The following SYNPO2L variants were observed in gnomAD, a reference collection of about 807,000 sequenced individuals.
The protein encoded by SYNPO2L is synaptopodin 2-like protein.
Under a neutral mutation model 47.5 loss-of-function variants are expected in SYNPO2L, and 34 were observed. The ratio of observed to expected loss-of-function variants is 0.72; its 90% CI spans 0.54 to 0.95. The LOEUF (loss-of-function observed/expected upper bound fraction) is 0.95, where lower values mean the gene tolerates loss of function less well. Among genes scored for constraint, SYNPO2L ranks in the 40% least tolerant of loss-of-function variants. The probability of loss-of-function intolerance (pLI) is 0.00; values close to 1 mark genes in which losing one functional copy is unlikely to be tolerated. For missense variants in SYNPO2L, 1,246 were observed against 1,282.0 expected (o/e 0.97, Z 0.43); for synonymous variants, 536 against 524.9 (o/e 1.02, Z -0.29).
rs770143655 is a variant in SYNPO2L, at chr10:73,648,914, C to T, written c.773-35G>A. On this transcript the variant is annotated intron_variant, in intron 3 of 3. Transcript: ENST00000394810. Reference sequence around the variant, plus strand: ...CCAAGAGGTAAAATGGTCAGGGGGGCTTCCCAGCCTCTTTTAGTCCTGTTC... The same window carrying T: ...CCAAGAGGTAAAATGGTCAGGGGGGTTTCCCAGCCTCTTTTAGTCCTGTTC... 4 of 1,473,220 alleles carry T rather than the reference C, an allele frequency of 2.7e-6. No individual in the cohort carries two copies. In the East Asian group the frequency reaches 9.3e-5, roughly 34 times the overall value. The allele number at this position is 1,473,220 out of a possible 1,614,324, so 91.3% of individuals were successfully genotyped here. A position where few individuals can be genotyped will look rare whatever the true frequency, so the allele number is the denominator to read the frequency against.
Position 73,646,642 on chromosome 10 carries a change from G to C in SYNPO2L, c.*76C>G, listed in dbSNP as rs2081753095. On this transcript the variant is annotated 3_prime_UTR_variant, in exon 4 of 4. Coordinates refer to ENST00000394810, the MANE Select transcript of SYNPO2L (RefSeq NM_001114133.3). Reference sequence around the variant, plus strand: ...ATTTAGCTTCCAGATGCGTGACAGGGGATGGGATAGGGTAGGAGAAGCAAC... The same window carrying C: ...ATTTAGCTTCCAGATGCGTGACAGGCGATGGGATAGGGTAGGAGAAGCAAC... 2 of 1,359,140 alleles carry C rather than the reference G, an allele frequency of 1.5e-6. No homozygotes were observed. Among genetic ancestry groups the C allele is most frequent in the South Asian group, 5.3e-5 (2 of 38,014 alleles). 84.2% of individuals were successfully genotyped at this position (1,359,140 alleles called of 1,614,324 possible).
chr10:73,655,769 C>T, intron 1 of SYNPO2L, 49 bp downstream of exon 1: 6 of 1,142,996 alleles, frequency 5.2e-6, no homozygotes, highest in Non-Finnish European at 6.1e-6. Flanking sequence ...TTCCCAGGAT[C>T]CCTTGGGTTC....
chr10:73,646,932 A>C lies in SYNPO2L; in HGVS notation c.2720T>G (p.Leu907Arg), dbSNP rs2081759822. ...CAGTGTAGTGGCTGCTCGGGGGGCA[A>C]GCACAGTGGGAGCCAGGGGTTCTGC... ...PTAEPLAPTV[L>R]APRAATTLDE... The change falls in exon 4 of 4, where the codon CTT becomes CGT. Residue 907 changes from leucine to arginine, a missense_variant. Physicochemically the swap from Leu to Arg is moderately radical, Grantham distance 102. Transcript: ENST00000394810. 1.3e-6 allele frequency: 2 copies of C among 1,593,890 alleles called. No individual in the cohort carries two copies. The highest frequency in any genetic ancestry group is 2.7e-5 in the African/African-American group (2 of 74,546).
In SYNPO2L at chr10:73,655,947, G is replaced by A. The variant is rs1054343191; in HGVS notation, c.-25C>T. 19 of 1,539,926 alleles carry A rather than the reference G, an allele frequency of 1.2e-5. No individual in the cohort carries two copies. Among genetic ancestry groups the A allele is most frequent in the Middle Eastern group, 3.4e-4 (2 of 5,944 alleles). ...TCGCTCAGCTTGGCCTATGGCCCCCGGAGTTTGAACAGTGTCCCCAGGAGA... is the reference window on the plus strand; with the variant it reads ...TCGCTCAGCTTGGCCTATGGCCCCCAGAGTTTGAACAGTGTCCCCAGGAGA... On this transcript the variant is annotated 5_prime_UTR_variant, in exon 1 of 4. Transcript: ENST00000394810.
chr10:73,650,924 T>C (rs1312072790), intron 3 of SYNPO2L: 2 of 1,613,416 alleles, frequency 1.2e-6, no homozygotes, highest in African/African-American at 1.3e-5. Flanking sequence ...AGAACGAGTC[T>C]TGGAGCTCAG....
Position 73,647,625 on chromosome 10 carries a change from G to A in SYNPO2L, c.2027C>T (p.Ala676Val). 1 of 1,614,172 alleles carries A rather than the reference G, an allele frequency of 6.2e-7. No homozygotes were observed. Reference sequence around the variant, plus strand: ...GCAGGCTTCAGCCCCGAGGCTCAGAGCATCTTCTTCAGGACCAGATTCTGC... The same window carrying A: ...GCAGGCTTCAGCCCCGAGGCTCAGAACATCTTCTTCAGGACCAGATTCTGC... ...GGAESGPEED[A>V]LSLGAEACNF... The change falls in exon 4 of 4, where the codon GCT becomes GTT. Residue 676 changes from alanine (A) to valine (V), a missense_variant. Around this residue, in one of 3 missense-constraint regions of SYNPO2L, gnomAD observed 1,037 missense variants for 1,021.5 expected, o/e 1.02. Coordinates refer to ENST00000394810, the MANE Select transcript of SYNPO2L (RefSeq NM_001114133.3).
chr10:73,649,710 T>G, intron 3 of SYNPO2L: 2 of 985,360 alleles, frequency 2.0e-6, no homozygotes, highest in Non-Finnish European at 2.4e-6. Context: ...GAGACCTCCC[T>G]GCAGAGACCC....
chr10:73,653,992 C>T, intron 2 of SYNPO2L, 137 bp downstream of exon 2: 1 of 1,165,004 alleles, frequency 8.6e-7, no homozygotes, highest in Non-Finnish European at 1.2e-6. Context: ...CAGACACAAA[C>T]CATCTGCACT....
chr10:73,647,962 C>T lies in SYNPO2L; in HGVS notation c.1690G>A (p.Ala564Thr). Residue 564 changes from alanine to threonine, a missense_variant, in exon 4 of 4, where the codon GCT becomes ACT. Physicochemically the swap from Ala to Thr is moderately conservative, Grantham distance 58 (BLOSUM62 0). Transcript: ENST00000394810. ...CTAGGAGGAGCGGGGGGCTCTGGAG[C>T]TCCACCTGGGGTGACAGGCCGACTA... is the stretch of plus-strand genomic sequence containing the variant. ...APSRPVTPGGAPEPPAPPSAA... is the reference protein window; with the variant it reads ...APSRPVTPGGTPEPPAPPSAA... 6.5e-7 allele frequency: 1 copy of T among 1,535,368 alleles called. No homozygotes were observed. Among genetic ancestry groups the T allele is most frequent in the Non-Finnish European group, 8.7e-7 (1 of 1,144,034 alleles).
intron 3 of SYNPO2L, among the ~76,000 whole-genome samples, chr10:73,652,298 A>G (rs2081848005): frequency 1.3e-5 from 2 of 151,916 alleles, no homozygotes; most frequent in Non-Finnish European, 2.9e-5. Context: ...GACCATAGAC[A>G]TGTGCCACAG....
rs776328859 is a variant in SYNPO2L, at chr10:73,647,160, G to A, written c.2492C>T (p.Ala831Val). 8 of 1,614,014 alleles carry A rather than the reference G, an allele frequency of 5.0e-6. No individual in the cohort carries two copies. Among genetic ancestry groups the A allele is most frequent in the Non-Finnish European group, 6.8e-6 (8 of 1,179,940 alleles). ...FPQAARTLPK[A>V]QSQGPRATPK... ...TGTTGCCCGAGGCCCCTGGGATTGG[G>A]CCTTAGGGAGAGTTCGGGCCGCCTG... The change falls in exon 4 of 4, where the codon GCC becomes GTC. Residue 831 changes from alanine (A) to valine (V), a missense_variant. By Grantham distance (64) the Ala-to-Val change is moderately conservative. Transcript: ENST00000394810.
Position 73,646,272 on chromosome 10 carries a change from G to C in SYNPO2L, c.*446C>G. 2.0e-6 allele frequency: 2 copies of C among 992,894 alleles called. No individual in the cohort carries two copies. The highest frequency in any genetic ancestry group is 2.4e-6 in the Non-Finnish European group (2 of 835,778). 61.5% of individuals were successfully genotyped at this position (992,894 alleles called of 1,614,324 possible). On this transcript the variant is annotated 3_prime_UTR_variant, in exon 4 of 4. Coordinates refer to ENST00000394810, the MANE Select transcript of SYNPO2L (RefSeq NM_001114133.3). Reference sequence around the variant, plus strand: ...GAAAGCAGAGTGGGGGGTGGGGGTGGCTTAGTGCAAACAGGGGTCAGTTCA... The same window carrying C: ...GAAAGCAGAGTGGGGGGTGGGGGTGCCTTAGTGCAAACAGGGGTCAGTTCA...
In SYNPO2L at chr10:73,647,919, G is replaced by C. The variant is rs1287234678; in HGVS notation, c.1733C>G (p.Ser578Cys). The change falls in exon 4 of 4, where the codon TCC (serine) becomes TGC (cysteine). Residue 578 changes from serine (S) to cysteine (C), a missense_variant. Around this residue, in one of 3 missense-constraint regions of SYNPO2L, gnomAD observed 1,037 missense variants for 1,021.5 expected, o/e 1.02. Transcript: ENST00000394810. ...PAPPSAAAMT[S>C]TASIFLSAPL... ...CGCAGATAGGAAGATAGAAGCGGTGGAGGTCATGGCAGCTGCGCTAGGAGG... is the reference window on the plus strand; with the variant it reads ...CGCAGATAGGAAGATAGAAGCGGTGCAGGTCATGGCAGCTGCGCTAGGAGG... The C allele has an allele frequency of 6.5e-7, 1 of 1,528,898 alleles. No homozygotes were observed. The highest frequency in any genetic ancestry group is 8.8e-7 in the Non-Finnish European group (1 of 1,141,656). The allele number at this position is 1,528,898 out of a possible 1,614,324, so 94.7% of individuals were successfully genotyped here.
At position 73,647,952 on chromosome 10, in the gene SYNPO2L, G is replaced by A. The variant is rs1376992018; in HGVS notation, c.1700C>T (p.Pro567Leu). Residue 567 changes from proline (P) to leucine (L), a missense_variant, in exon 4 of 4, where the codon CCC becomes CTC. Transcript: ENST00000394810. Reference protein sequence around the residue: ...RPVTPGGAPEPPAPPSAAAMT... With the variant: ...RPVTPGGAPELPAPPSAAAMT... ...GGCAGCTGCGCTAGGAGGAGCGGGG[G>A]GCTCTGGAGCTCCACCTGGGGTGAC... 6.5e-7 allele frequency: 1 copy of A among 1,532,948 alleles called. No homozygotes were observed. Among genetic ancestry groups the A allele is most frequent in the Admixed American group, 2.2e-5 (1 of 46,128 alleles). 95.0% of individuals were successfully genotyped at this position (1,532,948 alleles called of 1,614,324 possible). A position where few individuals can be genotyped will look rare whatever the true frequency, so the allele number is the denominator to read the frequency against.
rs565204466 is a variant in SYNPO2L, at chr10:73,645,885, C to T, written c.*833G>A. ...CGTCGCCCAGGCTGGAGTGCAGTGG[C>T]GCAATCTCAGCTCACTGCAAGCTCC... On this transcript the variant is annotated 3_prime_UTR_variant, in exon 4 of 4. Transcript: ENST00000394810. The T allele has an allele frequency of 3.3e-5, 32 of 973,260 alleles. No homozygotes were observed. Among genetic ancestry groups the T allele is most frequent in the Middle Eastern group, 5.3e-4 (1 of 1,890 alleles). The allele number at this position is 973,260 out of a possible 1,614,324, so 60.3% of individuals were successfully genotyped here. A position where few individuals can be genotyped will look rare whatever the true frequency, so the allele number is the denominator to read the frequency against.
chr10:73,647,002 C>A lies in SYNPO2L; in HGVS notation c.2650G>T (p.Val884Phe). Reference protein sequence around the residue: ...IASGSPKTARVQEIRRFSTPA... With the variant: ...IASGSPKTARFQEIRRFSTPA... ...GTGGAAAACCGGCGAATCTCCTGGA[C>A]TCGGGCAGTTTTGGGGGACCCTGAG... The change falls in exon 4 of 4, where the codon GTC becomes TTC. Residue 884 changes from valine (V) to phenylalanine (F), a missense_variant. By Grantham distance (50) the Val-to-Phe change is conservative. Coordinates refer to ENST00000394810, the MANE Select transcript of SYNPO2L (RefSeq NM_001114133.3). 1 of 1,613,388 alleles carries A rather than the reference C, an allele frequency of 6.2e-7. No individual in the cohort carries two copies. Among genetic ancestry groups the A allele is most frequent in the Non-Finnish European group, 8.5e-7 (1 of 1,179,464 alleles).
At chr10:73,654,045 T>G (rs902415590) in intron 2 of SYNPO2L, 84 bp downstream of exon 2, 1 of 1,489,396 alleles carries the variant, frequency 6.7e-7, no homozygotes, top group Non-Finnish European at 9.0e-7. Flanking sequence ...TGTTAGTTGC[T>G]AAAGCCAGGC....
rs1243923896 is a variant in SYNPO2L, at chr10:73,653,409, G to A, written c.502C>T (p.Pro168Ser). 1 of 1,551,448 alleles carries A rather than the reference G, an allele frequency of 6.4e-7. No individual in the cohort carries two copies. The highest frequency in any genetic ancestry group is 8.7e-7 in the Non-Finnish European group (1 of 1,146,926). The change falls in exon 3 of 4, where the codon CCG becomes TCG. Residue 168 changes from proline (P) to serine (S), a missense_variant. Coordinates refer to ENST00000394810, the MANE Select transcript of SYNPO2L (RefSeq NM_001114133.3). ...RRRGPTRPTPPGAPPDEVYLS... is the reference protein window; with the variant it reads ...RRRGPTRPTPSGAPPDEVYLS... ...TAGACCTCATCAGGTGGGGCACCCGGAGGGGTGGGCCTTGTGGGGCCTCGG... is the reference window on the plus strand; with the variant it reads ...TAGACCTCATCAGGTGGGGCACCCGAAGGGGTGGGCCTTGTGGGGCCTCGG...
At position 73,653,644 on chromosome 10, in the gene SYNPO2L, G is replaced by T. The variant is rs1335238106; in HGVS notation, c.267C>A (p.Asp89Glu). ...GAGATGGAGATTGCACAGGACCCTC[G>T]TCTGCTAACCTGGATAGGAAAGATG... ...QLVLTVQRLA[D>E]EGPVQSPSPH... Residue 89 changes from aspartate (D) to glutamate (E), a missense_variant, in exon 3 of 4, where the codon GAC becomes GAA. This residue lies in a region of SYNPO2L where 148 missense variants were observed against 204.8 expected (regional missense o/e 0.72). Transcript: ENST00000394810. The T allele has an allele frequency of 6.5e-7, 1 of 1,542,932 alleles. No individual in the cohort carries two copies. The highest frequency in any genetic ancestry group is 2.5e-5 in the East Asian group (1 of 40,666).
Sources: allele counts gnomAD v4.1 joint callset (sites outside exome capture counted in the v4.1 genomes callset), GRCh38; gene constraint gnomAD v4.1.1; regional missense constraint gnomAD v4.1.1; transcripts MANE v1.5; gene names NCBI Gene and HGNC (gene_info 2026-07-23, HGNC 2026-07-21).